RTN4R: variants seen among roughly 807,000 people sequenced by gnomAD.
The protein encoded by RTN4R is reticulon 4 receptor.
RTN4R carries 4 observed loss-of-function variants against 27.7 expected under a neutral mutation model. The ratio of observed to expected loss-of-function variants is 0.14; its 90% CI spans 0.07 to 0.33. The LOEUF is 0.33. Among genes scored for constraint, RTN4R ranks in the 10% least tolerant of loss-of-function variants. RTN4R has a pLI of 1.00. For missense variants in RTN4R, 554 were observed against 671.5 expected, an observed-to-expected ratio of 0.83 and a Z score of 1.93; for synonymous variants, 290 against 305.6, an observed-to-expected ratio of 0.95 and a Z score of 0.53.
Position 20,242,557 on chromosome 22 carries a change from G to A in RTN4R, c.576C>T (p.Ser192=), listed in dbSNP as rs73394083. Residue 192 remains serine (S), a synonymous_variant, in exon 2 of 2, where the codon AGC becomes AGT. Coordinates refer to ENST00000043402, the MANE Select transcript of RTN4R (RefSeq NM_023004.6). ...GCCCACGGAAGGCGCGCTCGGGCAC[G>A]CTGGAGATGCGGTTGCCGTGCAGGA... ...HLFLHGNRIS[S]VPERAFRGLH... 3,054 of 1,613,464 alleles carry A rather than the reference G, an allele frequency of 1.9e-3. 49 individuals are homozygous for A. In the African/African-American group the frequency reaches 0.036, roughly 19 times the overall value.
At chr22:20,244,457 A>G (rs2051128483) in intron 1 of RTN4R, among the ~76,000 whole-genome samples, 1 of 152,184 alleles carries the variant, frequency 6.6e-6, no homozygotes, top group South Asian at 2.1e-4. Context: ...ACTCAGGTTC[A>G]TAGGTCCTCA....
chr22:20,265,151 C>T (rs966806455), intron 1 of RTN4R, among the ~76,000 whole-genome samples: 4 of 152,194 alleles, frequency 2.6e-5, no homozygotes, highest in Non-Finnish European at 4.4e-5. Flanking sequence ...TGCACAGGGC[C>T]GTCCGTGCCA....
intron 1 of RTN4R, among the ~76,000 whole-genome samples, chr22:20,264,026 A>G (rs936846043): frequency 1.3e-5 from 2 of 151,918 alleles, no homozygotes; most frequent in Admixed American, 6.6e-5. Flanking sequence ...TCAAAGCCTC[A>G]GTGGGCTAGG....
At chr22:20,244,336 C>T (rs965658531) in intron 1 of RTN4R, among the ~76,000 whole-genome samples, 2 of 152,224 alleles carry the variant, frequency 1.3e-5, no homozygotes, top group African/African-American at 2.4e-5. Context: ...CCACATGGGG[C>T]CCCTGCCCCA....
At chr22:20,264,151 G>T (rs1028510590) in intron 1 of RTN4R, among the ~76,000 whole-genome samples, 1 of 152,236 alleles carries the variant, frequency 6.6e-6, no homozygotes, top group Non-Finnish European at 1.5e-5. Flanking sequence ...ATGGTGGGGT[G>T]GGTGTGCAGA....
chr22:20,243,585 G>A (rs577087714), intron 1 of RTN4R: 9 of 430,826 alleles, frequency 2.1e-5, no homozygotes, highest in South Asian at 3.4e-5. Flanking sequence ...AAAAACGGGC[G>A]CCTGGATGCC....
At chr22:20,254,115 G>C (rs113598601) in intron 1 of RTN4R, among the ~76,000 whole-genome samples, 11 of 152,222 alleles carry the variant, frequency 7.2e-5, no homozygotes, top group African/African-American at 2.6e-4. Context: ...GAAGCTCCAG[G>C]AGGAGAAGCT....
At chr22:20,263,909 G>A (rs2051262070) in intron 1 of RTN4R, among the ~76,000 whole-genome samples, 1 of 152,274 alleles carries the variant, frequency 6.6e-6, no homozygotes, top group South Asian at 2.1e-4. Flanking sequence ...CAAGACCAGA[G>A]GCTGTATGAA....
chr22:20,258,107 G>C (rs1036543780), intron 1 of RTN4R, among the ~76,000 whole-genome samples: 8 of 152,218 alleles, frequency 5.3e-5, no homozygotes, highest in African/African-American at 1.9e-4. Flanking sequence ...ACCCCACAGA[G>C]GAGAAAGCCC....
In RTN4R at chr22:20,268,267, G is replaced by GA. The variant is rs2051291599; in HGVS notation, c.-176_-175insT. ...CGGCTCTGGCTGGGCTCGGGCCGCG[G>GA]GTGCGCAGGGCGCGCAGGGCGCACA... On this transcript the variant is annotated 5_prime_UTR_variant, in exon 1 of 2. Coordinates refer to ENST00000043402, the MANE Select transcript of RTN4R (RefSeq NM_023004.6). 3.2e-5 allele frequency: 5 copies of GA among 158,380 alleles called. No individual in the cohort carries two copies. Among genetic ancestry groups the GA allele is most frequent in the Non-Finnish European group, 5.3e-5 (4 of 76,010 alleles). The allele number at this position is 158,380 out of a possible 1,614,324, so 9.8% of individuals were successfully genotyped here. A position where few individuals can be genotyped will look rare whatever the true frequency, so the allele number is the denominator to read the frequency against.
chr22:20,268,029 G>A, intron 1 of RTN4R, 42 bp downstream of exon 1: 1 of 1,139,766 alleles, frequency 8.8e-7, no homozygotes, highest in Non-Finnish European at 1.1e-6. Flanking sequence ...CCCCCTCCGC[G>A]CCCCGCCGCC....
In RTN4R at chr22:20,242,211, C is replaced by G; in HGVS notation, c.922G>C (p.Gly308Arg). Residue 308 changes from glycine to arginine, a missense_variant, in exon 2 of 2, where the codon GGC becomes CGC. Around this residue, in one of 2 missense-constraint regions of RTN4R, gnomAD observed 413 missense variants for 542.3 expected, o/e 0.76. Coordinates refer to ENST00000043402, the MANE Select transcript of RTN4R (RefSeq NM_023004.6). ...TAAGGGCCGGTGGCCACAGCGCAGC[C>G]CTGCAGGTCATTGGCAGCTAGGCGT... ...LKRLAANDLQ[G>R]CAVATGPYHP... 1 of 1,608,154 alleles carries G rather than the reference C, an allele frequency of 6.2e-7. No homozygotes were observed. Among genetic ancestry groups the G allele is most frequent in the South Asian group, 1.1e-5 (1 of 90,458 alleles).
rs575444529 is a variant in RTN4R at position 20,255,783 on chromosome 22, G to A, written c.22+12288C>T. Reference sequence around the variant, plus strand: ...TCAGGAGCCGGGGGTAGGGGTGTGCGGTCAACACCCAGCAGGGGTCGCCTA... The same window carrying A: ...TCAGGAGCCGGGGGTAGGGGTGTGCAGTCAACACCCAGCAGGGGTCGCCTA... On this transcript the variant is annotated intron_variant, in intron 1 of 1. Transcript: ENST00000043402. This position sits in a 1 kb window ranked among gnomAD's most constrained non-coding sequence, Gnocchi z 4.8. 1.3e-5 allele frequency among the ~76,000 whole-genome samples: 2 copies of A among 152,206 alleles called. No homozygotes were observed. Among genetic ancestry groups the A allele is most frequent in the African/African-American group, 2.4e-5 (1 of 41,538 alleles).
Position 20,267,952 on chromosome 22 carries a change from C to G in RTN4R, c.22+119G>C, listed in dbSNP as rs1255746267. On this transcript the variant is annotated intron_variant, in intron 1 of 1. Coordinates refer to ENST00000043402, the MANE Select transcript of RTN4R (RefSeq NM_023004.6). ...CACTGCGGTGGCTTTCCCTGCCGCC[C>G]GGCTACGCTTCCCTCGCCTCGGCAG... 9.3e-6 allele frequency: 5 copies of G among 536,776 alleles called. No individual in the cohort carries two copies. In the East Asian group the frequency reaches 2.2e-4, roughly 24 times the overall value. 33.3% of individuals were successfully genotyped at this position (536,776 alleles called of 1,614,324 possible).
intron 1 of RTN4R, among the ~76,000 whole-genome samples, chr22:20,254,999 C>T (rs116561438): frequency 3.3e-5 from 5 of 152,178 alleles, no homozygotes; most frequent in Admixed American, 6.5e-5. Flanking sequence ...CTGATGGCAG[C>T]GAGACAGCCA....
intron 1 of RTN4R, among the ~76,000 whole-genome samples, chr22:20,262,476 A>G (rs1257647895): frequency 6.6e-6 from 1 of 151,694 alleles, no homozygotes; most frequent in African/African-American, 2.4e-5. Flanking sequence ...GGGACTGTGG[A>G]CTCCCAGCTG....
At chr22:20,248,761 A>G (rs538366717) in intron 1 of RTN4R, among the ~76,000 whole-genome samples, 44 of 152,198 alleles carry the variant, frequency 2.9e-4, no homozygotes, top group Non-Finnish European at 5.3e-4. Flanking sequence ...AGGCAGCATG[A>G]GGATGTTGGC....
At chr22:20,243,208 A>G in intron 1 of RTN4R, 98 bp from the exon 2 acceptor site, 1 of 1,263,092 alleles carries the variant, frequency 7.9e-7, no homozygotes, top group Non-Finnish European at 1.1e-6. Flanking sequence ...ATTGGGTCTC[A>G]GGAGGACCTG....
intron 1 of RTN4R, among the ~76,000 whole-genome samples, chr22:20,247,493 C>T (rs1390183080): frequency 1.5e-5 from 2 of 133,500 alleles, no homozygotes; most frequent in Admixed American, 7.8e-5. Flanking sequence ...ACCCATCTGT[C>T]CCCCGATCCT....
Sources: gnomAD v4.1 joint callset for allele counts (sites outside exome capture counted in the v4.1 genomes callset) on GRCh38, gnomAD v4.1.1 for gene constraint, gnomAD v4.1.1 regional missense constraint, Gnocchi (gnomAD v3.1) non-coding constraint, MANE v1.5 for transcripts, NCBI Gene and HGNC (gene_info 2026-07-23, HGNC 2026-07-21) for gene names.